The following USP6NL variants were observed in gnomAD, a reference collection of about 807,000 sequenced individuals.
The protein encoded by USP6NL is USP6 N-terminal-like protein.
Under a neutral mutation model 61.9 loss-of-function variants are expected in USP6NL, and 26 were observed. The ratio of observed to expected loss-of-function variants is 0.42; its 90% CI spans 0.31 to 0.58. The LOEUF is 0.58. Among genes scored for constraint, USP6NL ranks in the 20% least tolerant of loss-of-function variants. USP6NL has a pLI of 0.16. For missense variants in USP6NL, 1,114 were observed against 1,034.3 expected, an observed-to-expected ratio of 1.08 and a Z score of -1.06; for synonymous variants, 432 against 390.1, an observed-to-expected ratio of 1.11 and a Z score of -1.27.
At chr10:11,500,202 G>T (rs1054172490) in intron 7 of USP6NL, among the ~76,000 whole-genome samples, 1 of 152,132 alleles carries the variant, frequency 6.6e-6, no homozygotes, top group Non-Finnish European at 1.5e-5. Flanking sequence ...GCATCAGGAA[G>T]AATAGCCAAT....
chr10:11,588,262 G>T (rs908575431), intron 2 of USP6NL, among the ~76,000 whole-genome samples: 1 of 152,204 alleles, frequency 6.6e-6, no homozygotes, highest in African/African-American at 2.4e-5. Flanking sequence ...ATCCTGTACT[G>T]GAGGAGCAAA....
intron 14 of USP6NL, among the ~76,000 whole-genome samples, chr10:11,466,083 A>G (rs1180838302): frequency 6.6e-6 from 1 of 152,224 alleles, no homozygotes; most frequent in Non-Finnish European, 1.5e-5. Context: ...AATACTTTGC[A>G]GATTTCTGTA....
In USP6NL at chr10:11,525,430, A is replaced by G; in HGVS notation, c.111T>C (p.Ala37=). 1.9e-6 allele frequency: 3 copies of G among 1,599,872 alleles called. No homozygotes were observed. Among genetic ancestry groups the G allele is most frequent in the South Asian group, 1.1e-5 (1 of 87,594 alleles). ...EGAEIEPWED[A]DYLVYKVTDR... is the part of the protein sequence containing the mutation. ...CTGTGACTTTGTAAACAAGGTAATC[A>G]GCATCTTCCCAAGGTTCAATCTCTG... Residue 37 remains alanine (A), a synonymous_variant, in exon 4 of 15, where the codon GCT becomes GCC. Transcript: ENST00000609104. This position sits in a 1 kb window ranked among gnomAD's most constrained non-coding sequence, Gnocchi z 5.0.
chr10:11,500,241 G>A (rs1834120091), intron 7 of USP6NL, among the ~76,000 whole-genome samples: 1 of 152,044 alleles, frequency 6.6e-6, no homozygotes, highest in African/African-American at 2.4e-5. Context: ...CCTAGGTGAT[G>A]GGATGATCTA....
In USP6NL at chr10:11,495,277, G is replaced by C. The variant is rs1833872365; in HGVS notation, c.385-2049C>G. On this transcript the variant is annotated intron_variant, in intron 7 of 14. Coordinates refer to ENST00000609104, the MANE Select transcript of USP6NL (RefSeq NM_014688.5). This position sits in a 1 kb window ranked among gnomAD's most constrained non-coding sequence, Gnocchi z 4.6. Reference sequence around the variant, plus strand: ...AGGATTATTATAATATTGGAATATAGAGTAATTGCTACAAACTAATGATTA... The same window carrying C: ...AGGATTATTATAATATTGGAATATACAGTAATTGCTACAAACTAATGATTA... Among the ~76,000 whole-genome samples, 1 of 152,160 alleles carries C rather than the reference G, an allele frequency of 6.6e-6. No individual in the cohort carries two copies. Among genetic ancestry groups the C allele is most frequent in the South Asian group, 2.1e-4 (1 of 4,826 alleles).
At chr10:11,603,181 G>C (rs1247350392) in intron 1 of USP6NL, among the ~76,000 whole-genome samples, 1 of 152,216 alleles carries the variant, frequency 6.6e-6, no homozygotes, top group East Asian at 1.9e-4. Context: ...GTATGTTAAT[G>C]AGGCATGAGA....
intron 14 of USP6NL, among the ~76,000 whole-genome samples, chr10:11,471,201 CA>C (rs1470451229): frequency 6.6e-6 from 1 of 151,312 alleles, no homozygotes; most frequent in African/African-American, 2.4e-5. Flanking sequence ...AACAAACAAA[CA>C]AAAAAAACAC....
chr10:11,484,467 T>A (rs1007247430), intron 13 of USP6NL, among the ~76,000 whole-genome samples: 1 of 151,740 alleles, frequency 6.6e-6, no homozygotes, highest in African/African-American at 2.4e-5. Flanking sequence ...CCAGAGGCCA[T>A]AATGCACTGA....
chr10:11,532,028 T>A lies in USP6NL; in HGVS notation c.5-4461A>T, dbSNP rs1274442869. On this transcript the variant is annotated intron_variant, in intron 2 of 14. Coordinates refer to ENST00000609104, the MANE Select transcript of USP6NL (RefSeq NM_014688.5). This position sits in a 1 kb window ranked among gnomAD's most constrained non-coding sequence, Gnocchi z 4.1. ...GGTATTGTATCTTAATGTCACTAAATTAGCACCAAACTGCAATGAAAAATT... is the reference window on the plus strand; with the variant it reads ...GGTATTGTATCTTAATGTCACTAAAATAGCACCAAACTGCAATGAAAAATT... 2 of 615,356 alleles carry A rather than the reference T, an allele frequency of 3.3e-6. No homozygotes were observed. The highest frequency in any genetic ancestry group is 5.6e-6 in the Non-Finnish European group (2 of 357,158). 38.1% of individuals were successfully genotyped at this position (615,356 alleles called of 1,614,324 possible).
intron 2 of USP6NL, among the ~76,000 whole-genome samples, chr10:11,555,451 T>G (rs4747919): frequency 0.19 from 11,415 of 60,592 alleles, 1,630 homozygotes; most frequent in African/African-American, 0.32. Context: ...TATATATATA[T>G]AGAGAGAGAG....
intron 14 of USP6NL, among the ~76,000 whole-genome samples, chr10:11,466,177 C>T (rs2133153727): frequency 6.6e-6 from 1 of 152,314 alleles, no homozygotes; most frequent in Middle Eastern, 3.4e-3. Flanking sequence ...TTTCCCTAGA[C>T]ACTCAGCTAT....
At chr10:11,492,473 TGAA>T (rs1386988534) in intron 8 of USP6NL, among the ~76,000 whole-genome samples, 2 of 152,242 alleles carry the variant, frequency 1.3e-5, no homozygotes, top group African/African-American at 4.8e-5. Flanking sequence ...GAGGTTTCCC[TGAA>T]GAAGAAACTC....
rs1834672138 is a variant in USP6NL, at chr10:11,510,731, G to A, written c.196-1056C>T. On this transcript the variant is annotated intron_variant, in intron 5 of 14. Coordinates refer to ENST00000609104, the MANE Select transcript of USP6NL (RefSeq NM_014688.5). The surrounding 1 kb of genome is among the most constrained non-coding windows in gnomAD (Gnocchi z 4.8). Reference sequence around the variant, plus strand: ...ATACATTTTATACTCAAGGATGCATGCTCACTGCAACCCCACGAGGTAGGT... The same window carrying A: ...ATACATTTTATACTCAAGGATGCATACTCACTGCAACCCCACGAGGTAGGT... 2.0e-5 allele frequency among the ~76,000 whole-genome samples: 3 copies of A among 152,370 alleles called. No homozygotes were observed.
intron 5 of USP6NL, among the ~76,000 whole-genome samples, chr10:11,517,866 T>C (rs1216020709): frequency 1.3e-5 from 2 of 152,146 alleles, no homozygotes; most frequent in African/African-American, 4.8e-5. Flanking sequence ...CCACTTTCAT[T>C]CTACAGTTCA....
At position 11,495,143 on chromosome 10, in the gene USP6NL, C is replaced by T. The variant is rs1223743787; in HGVS notation, c.385-1915G>A. Reference sequence around the variant, plus strand: ...CAAGGAGCCCTCTGGTGGCCCTGTCCGGGCATAACAGAAGGTTCGCACTCT... The same window carrying T: ...CAAGGAGCCCTCTGGTGGCCCTGTCTGGGCATAACAGAAGGTTCGCACTCT... On this transcript the variant is annotated intron_variant, in intron 7 of 14. Transcript: ENST00000609104. The surrounding 1 kb of genome is among the most constrained non-coding windows in gnomAD (Gnocchi z 4.6). 4.6e-5 allele frequency among the ~76,000 whole-genome samples: 7 copies of T among 152,212 alleles called. No individual in the cohort carries two copies. Among genetic ancestry groups the T allele is most frequent in the Non-Finnish European group, 1.0e-4 (7 of 68,042 alleles).
intron 6 of USP6NL, among the ~76,000 whole-genome samples, chr10:11,507,390 A>G (rs1452625429): frequency 6.6e-6 from 1 of 152,218 alleles, no homozygotes; most frequent in African/African-American, 2.4e-5. Context: ...CTAATATTCT[A>G]CTTTGAAGTG....
intron 2 of USP6NL, among the ~76,000 whole-genome samples, chr10:11,552,902 G>A (rs930460808): frequency 6.6e-6 from 1 of 152,028 alleles, no homozygotes; most frequent in African/African-American, 2.4e-5. Context: ...TGAAGTCTGG[G>A]CTTTTAGTGT....
chr10:11,551,054 G>A (rs910262992), intron 2 of USP6NL, among the ~76,000 whole-genome samples: 5 of 152,184 alleles, frequency 3.3e-5, no homozygotes, highest in Non-Finnish European at 7.3e-5. Context: ...GTACAGCCAT[G>A]TTAGAAATGA....
chr10:11,610,031 G>C (rs1172924194), intron 1 of USP6NL, among the ~76,000 whole-genome samples: 1 of 152,120 alleles, frequency 6.6e-6, no homozygotes, highest in South Asian at 2.1e-4. Flanking sequence ...ATTTGGCAAA[G>C]GATGTTTCTT....
Sources: allele counts gnomAD v4.1 joint callset (sites outside exome capture counted in the v4.1 genomes callset), GRCh38; gene constraint gnomAD v4.1.1; non-coding constraint Gnocchi (gnomAD v3.1); transcripts MANE v1.5; gene names NCBI Gene and HGNC (gene_info 2026-07-23, HGNC 2026-07-21).